Variants in FUT8 observed in about 807,000 individuals in gnomAD.
The protein encoded by FUT8 is fucosyltransferase 8.
FUT8 carries 29 observed loss-of-function variants against 71.3 expected under a neutral mutation model. The observed-to-expected ratio is 0.41, with a 90% CI of 0.30 to 0.55. The LOEUF (loss-of-function observed/expected upper bound fraction) is 0.55. Ranked by LOEUF, FUT8 falls within the 20% of genes least tolerant of loss-of-function variation. FUT8 has a pLI of 0.34. For missense variants in FUT8, 544 were observed against 702.1 expected (o/e 0.77, Z 2.55); for synonymous variants, 254 against 239.3 (o/e 1.06, Z -0.57).
At chr14:65,557,567 G>T (rs1415474318) in intron 2 of FUT8, among the ~76,000 whole-genome samples, 1 of 151,124 alleles carries the variant, frequency 6.6e-6, no homozygotes, top group African/African-American at 2.4e-5. Context: ...TCCTGACCTT[G>T]TGATCCACCC....
intron 6 of FUT8, among the ~76,000 whole-genome samples, chr14:65,659,631 C>A (rs1891863950): frequency 2.0e-5 from 3 of 152,052 alleles, no homozygotes. Flanking sequence ...TAAGACAGGG[C>A]TAACTATTCA....
intron 2 of FUT8, among the ~76,000 whole-genome samples, chr14:65,556,295 C>T (rs1257850253): frequency 6.6e-6 from 1 of 152,202 alleles, no homozygotes; most frequent in Non-Finnish European, 1.5e-5. Flanking sequence ...ACCAAAGCTA[C>T]AGCTGTCTTG....
chr14:65,687,318 TTTAA>T (rs1280124987), intron 7 of FUT8, among the ~76,000 whole-genome samples: 1 of 152,238 alleles, frequency 6.6e-6, no homozygotes, highest in African/African-American at 2.4e-5. Flanking sequence ...TATCATTATT[TTTAA>T]TTAACATAGA....
At chr14:65,518,222 A>G (rs779936409) in intron 2 of FUT8, among the ~76,000 whole-genome samples, 2 of 152,208 alleles carry the variant, frequency 1.3e-5, no homozygotes, top group Non-Finnish European at 2.9e-5. Context: ...AGGAAAACAT[A>G]TATTTTAGAT....
the FUT8 span, among the ~76,000 whole-genome samples, chr14:65,357,942 A>G: frequency 6.6e-6 from 1 of 152,226 alleles, no homozygotes; most frequent in Non-Finnish European, 1.5e-5. Context: ...GGGCACAGAA[A>G]GACAAACACC....
chr14:65,616,215 G>T lies in FUT8; in HGVS notation c.324G>T (p.Leu108=). The T allele has an allele frequency of 6.2e-7, 1 of 1,605,238 alleles. No individual in the cohort carries two copies. The change falls in exon 5 of 11, where the codon CTG becomes CTT. Residue 108 remains leucine, a synonymous_variant. Coordinates refer to ENST00000673929, the MANE Select transcript of FUT8 (RefSeq NM_001371533.1). The stretch of plus-strand genomic sequence containing the variant: ...CTCTCTATTCTTTGACTACAGGTCT[G>T]GGGAAGGATCATGAAATCCTGAGGA... ...ENYKKQTRNG[L]GKDHEILRRR...
At chr14:65,692,004 T>C (rs1893631178) in intron 7 of FUT8, among the ~76,000 whole-genome samples, 1 of 152,060 alleles carries the variant, frequency 6.6e-6, no homozygotes, top group Non-Finnish European at 1.5e-5. Flanking sequence ...TCTACTTCTT[T>C]CTACACAGAC....
At chr14:65,555,463 C>A (rs1361139479) in intron 2 of FUT8, among the ~76,000 whole-genome samples, 1 of 152,168 alleles carries the variant, frequency 6.6e-6, no homozygotes. Flanking sequence ...CTGCCAAAGA[C>A]TTAAAGGATC....
chr14:65,611,195 ACACGCGCGCGCG>A (rs376760314), intron 3 of FUT8, among the ~76,000 whole-genome samples: 2,642 of 14,270 alleles, frequency 0.19, 483 homozygotes, highest in African/African-American at 0.31. Flanking sequence ...ACACACACAC[ACACGCGCGCGCG>A]CGCGCGCGCG....
chr14:65,617,204 A>G, intron 5 of FUT8: 1 of 1,521,694 alleles, frequency 6.6e-7, no homozygotes, highest in Non-Finnish European at 8.7e-7. Flanking sequence ...AAGAGATTTC[A>G]TATTTATTAA....
intron 3 of FUT8, among the ~76,000 whole-genome samples, chr14:65,586,651 T>C (rs1887400174): frequency 6.6e-6 from 1 of 152,182 alleles, no homozygotes. Flanking sequence ...TATAAAGACA[T>C]TAGTCCAGTA....
intron 2 of FUT8, among the ~76,000 whole-genome samples, chr14:65,477,567 G>C (rs1376702930): frequency 6.6e-6 from 1 of 152,116 alleles, no homozygotes; most frequent in Admixed American, 6.5e-5. Flanking sequence ...GACCTGTTCT[G>C]GGTGTGTCTA....
intron 7 of FUT8, among the ~76,000 whole-genome samples, chr14:65,715,989 AC>A (rs1009773618): frequency 3.3e-5 from 5 of 151,776 alleles, no homozygotes; most frequent in African/African-American, 4.8e-5. Context: ...AAAAAAAAAA[AC>A]AACTTGATAG....
At chr14:65,437,817 A>G (rs976464334) in intron 1 of FUT8, among the ~76,000 whole-genome samples, 3 of 152,194 alleles carry the variant, frequency 2.0e-5, no homozygotes, top group Admixed American at 6.5e-5. Context: ...TTAGCAAGCA[A>G]TGGAGTAGGG....
intron 7 of FUT8, among the ~76,000 whole-genome samples, chr14:65,714,510 T>G (rs1219311011): frequency 1.3e-5 from 2 of 151,968 alleles, no homozygotes; most frequent in African/African-American, 4.8e-5. Flanking sequence ...CTCAAACCCT[T>G]GGCCTCAAGC....
the FUT8 span, among the ~76,000 whole-genome samples, chr14:65,402,792 C>T: frequency 6.6e-6 from 1 of 152,124 alleles, no homozygotes; most frequent in African/African-American, 2.4e-5. Context: ...AGCCACTGTG[C>T]CCGCCTGGAG....
chr14:65,507,598 C>T (rs924652219), intron 2 of FUT8, among the ~76,000 whole-genome samples: 1 of 152,154 alleles, frequency 6.6e-6, no homozygotes, highest in African/African-American at 2.4e-5. Flanking sequence ...ACGCAGTGAC[C>T]TCTGGTTCCA....
At chr14:65,412,623 G>A (rs1381922571), upstream of FUT8, 2 of 296,910 alleles carry the variant, frequency 6.7e-6, no homozygotes, top group Non-Finnish European at 1.3e-5. Context: ...AGCGAGGAAG[G>A]GGGCGGGGAG....
chr14:65,723,184 G>T (rs1187863125), intron 8 of FUT8, among the ~76,000 whole-genome samples: 2 of 151,354 alleles, frequency 1.3e-5, no homozygotes, highest in South Asian at 4.2e-4. Flanking sequence ...AATTAGCCAG[G>T]CTTGGTGACA....
Sources: gnomAD v4.1 joint callset for allele counts (sites outside exome capture counted in the v4.1 genomes callset) on GRCh38, gnomAD v4.1.1 for gene constraint, MANE v1.5 for transcripts, NCBI Gene and HGNC (gene_info 2026-07-23, HGNC 2026-07-21) for gene names.